Variants in ATP6V0E1 observed in about 807,000 individuals in gnomAD.
ATP6V0E1 encodes V-type proton ATPase subunit e 1.
Under a neutral mutation model 11.6 loss-of-function variants are expected in ATP6V0E1, and 4 were observed. That is an observed-to-expected ratio of 0.35 (90% CI 0.17 to 0.79). ATP6V0E1 has a LOEUF of 0.79. Among genes scored for constraint, ATP6V0E1 ranks in the 30% least tolerant of loss-of-function variants. ATP6V0E1 has a pLI of 0.54. For synonymous variants in ATP6V0E1, 36 were observed against 34.8 expected (o/e 1.04, Z -0.13); for missense variants, 105 against 100.0 (o/e 1.05, Z -0.21).
intron 2 of ATP6V0E1, among the ~76,000 whole-genome samples, chr5:173,012,246 G>T (rs935100872): frequency 6.6e-6 from 1 of 151,696 alleles, no homozygotes; most frequent in Non-Finnish European, 1.5e-5. Flanking sequence ...TGGCCAGGCT[G>T]GTCTTGGACT....
chr5:172,999,295 C>A (rs1756117536), intron 2 of ATP6V0E1, among the ~76,000 whole-genome samples: 1 of 151,914 alleles, frequency 6.6e-6, no homozygotes, highest in African/African-American at 2.4e-5. Context: ...AAAACGTTTC[C>A]AGTCAGTCTC....
chr5:173,031,320 G>GTGA (rs902081649), intron 3 of ATP6V0E1, among the ~76,000 whole-genome samples: 3 of 151,302 alleles, frequency 2.0e-5, no homozygotes, highest in Admixed American at 1.3e-4. Flanking sequence ...CTGACCTCAA[G>GTGA]TGATCCACCC....
intron 3 of ATP6V0E1, among the ~76,000 whole-genome samples, chr5:173,029,355 GT>G (rs1283133647): frequency 1.3e-5 from 2 of 152,160 alleles, no homozygotes; most frequent in East Asian, 1.9e-4. Context: ...CAATATCATA[GT>G]TTTCCTTGTC....
At chr5:173,012,446 C>G (rs564436292) in intron 2 of ATP6V0E1, among the ~76,000 whole-genome samples, 1 of 152,110 alleles carries the variant, frequency 6.6e-6, no homozygotes, top group East Asian at 1.9e-4. Context: ...AAAGTCAACT[C>G]AGGATGGGTT....
chr5:172,986,211 G>T (rs1289950055), intron 1 of ATP6V0E1, among the ~76,000 whole-genome samples: 1 of 152,110 alleles, frequency 6.6e-6, no homozygotes, highest in Non-Finnish European at 1.5e-5. Flanking sequence ...GTATACTTAG[G>T]CTACATGAAA....
At position 173,000,695 on chromosome 5, in the gene ATP6V0E1, TCA is replaced by T. The variant is rs534700788; in HGVS notation, c.152+5874_152+5875del. 1.2e-3 allele frequency among the ~76,000 whole-genome samples: 183 copies of T among 149,370 alleles called. 1 individual carries two copies. The highest frequency in any genetic ancestry group is 2.2e-3 in the Non-Finnish European group (152 of 67,792). ...CACAATAAAAATCAAAGTAATATTA[TCA>T]GTGATTTTTTTTTTTTTTTTTGAGA... is the stretch of plus-strand genomic sequence containing the variant. On this transcript the variant is annotated intron_variant, in intron 2 of 3. Coordinates refer to ENST00000519374, the MANE Select transcript of ATP6V0E1 (RefSeq NM_003945.4).
At chr5:172,984,665 G>A (rs1448567924) in intron 1 of ATP6V0E1, among the ~76,000 whole-genome samples, 1 of 152,166 alleles carries the variant, frequency 6.6e-6, no homozygotes, top group Admixed American at 6.6e-5. Context: ...GTCTCTTTTG[G>A]AATTAAACTT....
At chr5:173,031,379 C>T (rs1756649509) in intron 3 of ATP6V0E1, among the ~76,000 whole-genome samples, 2 of 151,314 alleles carry the variant, frequency 1.3e-5, no homozygotes, top group Admixed American at 6.6e-5. Context: ...CCACCGCATC[C>T]GACCCTTTGT....
At chr5:173,012,213 G>T (rs183441811) in intron 2 of ATP6V0E1, among the ~76,000 whole-genome samples, 1 of 151,948 alleles carries the variant, frequency 6.6e-6, no homozygotes, top group Admixed American at 6.5e-5. Context: ...TATATTTTTA[G>T]TAGAGATAGT....
At chr5:173,013,341 C>T (rs562606103) in intron 2 of ATP6V0E1, among the ~76,000 whole-genome samples, 2 of 152,158 alleles carry the variant, frequency 1.3e-5, no homozygotes, top group South Asian at 2.1e-4. Context: ...TTTGGGAGGC[C>T]GAGGCGGGTG....
At chr5:173,017,362 C>G (rs559259174) in intron 2 of ATP6V0E1, among the ~76,000 whole-genome samples, 1 of 150,652 alleles carries the variant, frequency 6.6e-6, no homozygotes, top group Non-Finnish European at 1.5e-5. Context: ...GGTGAAACCC[C>G]ATCTTTACTA....
intron 2 of ATP6V0E1, among the ~76,000 whole-genome samples, chr5:173,015,157 C>T (rs1756383259): frequency 6.6e-6 from 1 of 152,162 alleles, no homozygotes; most frequent in Admixed American, 6.5e-5. Flanking sequence ...GAAGTGGGAA[C>T]AGTAATCTGA....
At chr5:173,006,964 T>C (rs1259966694) in intron 2 of ATP6V0E1, among the ~76,000 whole-genome samples, 2 of 152,190 alleles carry the variant, frequency 1.3e-5, no homozygotes, top group East Asian at 1.9e-4. Context: ...GTTTCCTTTA[T>C]AATTTGGCAG....
chr5:173,020,397 T>A, intron 3 of ATP6V0E1, 30 bp downstream of exon 3: 2 of 1,327,836 alleles, frequency 1.5e-6, no homozygotes, highest in Non-Finnish European at 2.1e-6. Context: ...TTCTTATCAG[T>A]ATGGTCAGGC....
chr5:172,987,535 C>G (rs528205252), intron 1 of ATP6V0E1, among the ~76,000 whole-genome samples: 350 of 152,106 alleles, frequency 2.3e-3, no homozygotes, highest in African/African-American at 8.1e-3. Flanking sequence ...CCGTCCGCCT[C>G]GGCCTCCCAA....
intron 2 of ATP6V0E1, among the ~76,000 whole-genome samples, chr5:172,998,267 C>A (rs1756098022): frequency 7.9e-6 from 1 of 127,076 alleles, no homozygotes; most frequent in African/African-American, 3.1e-5. Context: ...CAGAGTGGAA[C>A]ACAGGTTGCA....
At chr5:173,021,824 GGATCACGA>G (rs1756490217) in intron 3 of ATP6V0E1, among the ~76,000 whole-genome samples, 1 of 152,176 alleles carries the variant, frequency 6.6e-6, no homozygotes, top group Non-Finnish European at 1.5e-5. Context: ...TGAGGCAGGT[GGATCACGA>G]GGTCACGAGA....
At chr5:173,021,373 G>A (rs1012908232) in intron 3 of ATP6V0E1, among the ~76,000 whole-genome samples, 3 of 151,790 alleles carry the variant, frequency 2.0e-5, no homozygotes, top group Middle Eastern at 3.2e-3. Context: ...CAATAATGGC[G>A]GAGGATGAAA....
chr5:173,012,123 C>G (rs1417927703), intron 2 of ATP6V0E1, among the ~76,000 whole-genome samples: 4 of 151,196 alleles, frequency 2.6e-5, no homozygotes, highest in Non-Finnish European at 4.4e-5. Flanking sequence ...CCTCTGCCTC[C>G]CAGGTTCAAG....
Sources: allele counts gnomAD v4.1 joint callset (sites outside exome capture counted in the v4.1 genomes callset), GRCh38; gene constraint gnomAD v4.1.1; transcripts MANE v1.5; gene names NCBI Gene and HGNC (gene_info 2026-07-23, HGNC 2026-07-21).